Variants in RRBP1 observed in about 807,000 individuals in gnomAD.
The protein encoded by RRBP1 is ribosome binding protein 1.
In RRBP1, 94 loss-of-function variants were observed where a neutral mutation model predicts 165.2. The observed-to-expected ratio is 0.57, with a 90% confidence interval of 0.48 to 0.68. The LOEUF (loss-of-function observed/expected upper bound fraction) is 0.68, where lower values mean the gene tolerates loss of function less well. Among genes scored for constraint, RRBP1 ranks in the 30% least tolerant of loss-of-function variants. The pLI, the probability that RRBP1 is intolerant of heterozygous loss-of-function variation, is 0.00. For missense variants in RRBP1, 1,676 were observed against 1,763.0 expected (o/e 0.95, Z 0.88); for synonymous variants, 680 against 714.5 (o/e 0.95, Z 0.77).
intron 2 of RRBP1, among the ~76,000 whole-genome samples, chr20:17,668,641 G>C (rs2036915341): frequency 6.6e-6 from 1 of 152,230 alleles, no homozygotes; most frequent in South Asian, 2.1e-4. Context: ...TACTGGGCAG[G>C]TGTTCTTTCT....
Position 17,620,299 on chromosome 20 carries a change from C to G in RRBP1, c.3579G>C (p.Gln1193His). 6.2e-7 allele frequency: 1 copy of G among 1,611,746 alleles called. No individual in the cohort carries two copies. Among genetic ancestry groups the G allele is most frequent in the South Asian group, 1.1e-5 (1 of 91,030 alleles). The part of the protein sequence containing the change: ...KLKGELESSD[Q>H]VREHTSHLEA... The stretch of plus-strand genomic sequence containing the variant: ...AGAGTTCTCTGAGCAGAGCACATAC[C>G]TGGTCCGAACTTTCAAGTTCTCCTT... Residue 1193 changes from glutamine (Q) to histidine (H), a missense_variant and splice_region_variant, in exon 18 of 25, where the codon CAG becomes CAC. This residue lies in a region of RRBP1 where 1,184 missense variants were observed against 1,167.1 expected (regional missense o/e 1.01). Transcript: ENST00000377813.
Position 17,614,216 on chromosome 20 carries a change from T to C in RRBP1, c.4199A>G (p.Asp1400Gly). 6.2e-7 allele frequency: 1 copy of C among 1,613,528 alleles called. No individual in the cohort carries two copies. Among genetic ancestry groups the C allele is most frequent in the Non-Finnish European group, 8.5e-7 (1 of 1,179,950 alleles). Residue 1400 changes from aspartate (D) to glycine (G), a missense_variant, in exon 25 of 25, where the codon GAC (aspartate) becomes GGC (glycine). Physicochemically the swap from Asp to Gly is moderately conservative, Grantham distance 94. Transcript: ENST00000377813. ...KLQEQLEKAEDGSSSKEGTSV is the reference protein window; with the variant it reads ...KLQEQLEKAEGGSSSKEGTSV ...GGTGCCCTCCTTTGAGCTGCTGCCG[T>C]CCTCCTGTGAACGAAGGCAGGTGGC...
At chr20:17,620,409 CT>C (rs1446037967) in intron 17 of RRBP1, 39 bp from the exon 18 acceptor site, 1 of 1,543,332 alleles carries the variant, frequency 6.5e-7, no homozygotes, top group African/African-American at 1.4e-5. Flanking sequence ...ACACGAGCAC[CT>C]GGGGGTGTCT....
At chr20:17,668,932 T>C (rs1413440900) in intron 2 of RRBP1, among the ~76,000 whole-genome samples, 1 of 152,190 alleles carries the variant, frequency 6.6e-6, no homozygotes, top group Admixed American at 6.5e-5. Flanking sequence ...TTTTAAAGAC[T>C]GCTTACTAAC....
chr20:17,662,218 G>A (rs561632100), intron 2 of RRBP1, among the ~76,000 whole-genome samples: 54 of 151,460 alleles, frequency 3.6e-4, no homozygotes, highest in Non-Finnish European at 7.4e-4. Context: ...AGCCAAGATC[G>A]CGCCACTGCA....
intron 2 of RRBP1, among the ~76,000 whole-genome samples, chr20:17,666,783 T>C (rs558649598): frequency 6.6e-6 from 1 of 152,394 alleles, no homozygotes; most frequent in East Asian, 1.9e-4. Flanking sequence ...TGCAGGTTTC[T>C]GGCAGAAATC....
chr20:17,620,748 G>C lies in RRBP1; in HGVS notation c.3474C>G (p.Ala1158=). The C allele has an allele frequency of 1.2e-6, 2 of 1,606,218 alleles. No individual in the cohort carries two copies. The highest frequency in any genetic ancestry group is 1.7e-6 in the Non-Finnish European group (2 of 1,179,088). Residue 1158 remains alanine, a synonymous_variant, in exon 17 of 25, where the codon GCC becomes GCG. Transcript: ENST00000377813. The part of the protein sequence containing the change: ...SVEEEEQVWR[A]KVGAAEEELQ... ...GCTCCTCCTCTGCGGCGCCCACCTT[G>C]GCCCTCCACACCTGCTCCTCCTCCT...
chr20:17,621,320 G>C (rs1302352436), intron 16 of RRBP1, 138 bp downstream of exon 16: 1 of 636,232 alleles, frequency 1.6e-6, no homozygotes, highest in Non-Finnish European at 2.8e-6. Context: ...TTACCATGCA[G>C]CCGAAGAACG....
At chr20:17,657,551 C>CAAGAA (rs931562329) in intron 3 of RRBP1, among the ~76,000 whole-genome samples, 1 of 107,126 alleles carries the variant, frequency 9.3e-6, no homozygotes, top group African/African-American at 3.5e-5. Context: ...TATTTAAAAA[C>CAAGAA]AAGAAAAGAA....
At chr20:17,670,535 T>C (rs2036958133) in intron 2 of RRBP1, among the ~76,000 whole-genome samples, 1 of 152,168 alleles carries the variant, frequency 6.6e-6, no homozygotes, top group African/African-American at 2.4e-5. Flanking sequence ...CCTTCCAACT[T>C]AGATGTTACT....
At chr20:17,657,390 C>T (rs2036663696) in intron 3 of RRBP1, among the ~76,000 whole-genome samples, 1 of 152,182 alleles carries the variant, frequency 6.6e-6, no homozygotes, top group Non-Finnish European at 1.5e-5. Context: ...GAGGAAACCC[C>T]ACGAAGGTAA....
intron 8 of RRBP1, among the ~76,000 whole-genome samples, chr20:17,632,042 T>G (rs6111587): frequency 0.046 from 7,078 of 152,296 alleles, 499 homozygotes; most frequent in African/African-American, 0.15. Flanking sequence ...ACAGTCACCC[T>G]GCAGGACAGC....
intron 3 of RRBP1, among the ~76,000 whole-genome samples, chr20:17,655,361 A>T (rs1022906016): frequency 6.6e-6 from 1 of 152,206 alleles, no homozygotes; most frequent in Non-Finnish European, 1.5e-5. Context: ...TTGAAGAAAA[A>T]AATCAGAAAG....
chr20:17,660,422 G>T lies in RRBP1; in HGVS notation c.86C>A (p.Ser29Ter). Reference sequence around the variant, plus strand: ...TGACGTTTCCTTCATGGAGAAAGTCGACACCAGGAAGATGCCAATGGCAGA... The same window carrying T: ...TGACGTTTCCTTCATGGAGAAAGTCTACACCAGGAAGATGCCAATGGCAGA... ...VVSAIGIFLV[S>*]TFSMKETSYE... The change falls in exon 3 of 25, where the codon TCG becomes TAG. Residue 29 changes from serine to a stop codon, truncating the protein, a stop_gained. Transcript: ENST00000377813. LOFTEE classifies it high-confidence loss of function. 1 of 1,614,028 alleles carries T rather than the reference G, an allele frequency of 6.2e-7. No individual in the cohort carries two copies. The highest frequency in any genetic ancestry group is 8.5e-7 in the Non-Finnish European group (1 of 1,180,028).
At chr20:17,634,402 G>A (rs1369465646) in intron 7 of RRBP1, among the ~76,000 whole-genome samples, 1 of 151,414 alleles carries the variant, frequency 6.6e-6, no homozygotes. Flanking sequence ...CTTGGGGGCT[G>A]CCTCGTCTGT....
At chr20:17,657,627 A>G (rs968935654) in intron 3 of RRBP1, among the ~76,000 whole-genome samples, 11 of 152,210 alleles carry the variant, frequency 7.2e-5, no homozygotes, top group Admixed American at 6.5e-4. Flanking sequence ...AGGAGAGGAA[A>G]GGAAAGGAGA....
At chr20:17,676,410 AGG>A (rs2037082926) in intron 2 of RRBP1, among the ~76,000 whole-genome samples, 3 of 152,178 alleles carry the variant, frequency 2.0e-5, no homozygotes, top group Non-Finnish European at 2.9e-5. Flanking sequence ...TTCATTTTAT[AGG>A]AGGGAGAAAA....
intron 2 of RRBP1, among the ~76,000 whole-genome samples, chr20:17,667,210 T>A (rs550201522): frequency 6.6e-6 from 1 of 152,142 alleles, no homozygotes; most frequent in Non-Finnish European, 1.5e-5. Flanking sequence ...CTGGAAGAAC[T>A]TGCCCATAAA....
At chr20:17,633,758 T>A in intron 7 of RRBP1, 145 bp from the exon 8 acceptor site, 1 of 770,200 alleles carries the variant, frequency 1.3e-6, no homozygotes, top group South Asian at 1.8e-5. Context: ...TTTTCCATTA[T>A]CAGCTGTGTG....
Sources: allele counts gnomAD v4.1 joint callset (sites outside exome capture counted in the v4.1 genomes callset), GRCh38; gene constraint gnomAD v4.1.1; regional missense constraint gnomAD v4.1.1; transcripts MANE v1.5; gene names NCBI Gene and HGNC (gene_info 2026-07-23, HGNC 2026-07-21).